Variants in ZEB2 observed in about 807,000 individuals in gnomAD.
ZEB2 encodes zinc finger E-box binding homeobox 2.
Under a neutral mutation model 99.9 loss-of-function variants are expected in ZEB2, and 6 were observed. The ratio of observed to expected loss-of-function variants is 0.06; its 90% CI spans 0.03 to 0.12. The LOEUF (loss-of-function observed/expected upper bound fraction) is 0.12. Among genes scored for constraint, ZEB2 ranks in the 10% least tolerant of loss-of-function variants. The pLI is 1.00. For missense variants in ZEB2, 969 were observed against 1,502.8 expected (o/e 0.64, Z 5.87); for synonymous variants, 517 against 542.5 (o/e 0.95, Z 0.65).
At chr2:144,511,347 A>G in intron 2 of ZEB2, 1 of 1,134,448 alleles carries the variant, frequency 8.8e-7, no homozygotes, top group Non-Finnish European at 1.1e-6. Context: ...AAGACAAAAC[A>G]CACACATGCA....
At chr2:144,448,819 T>C (rs2149898869) in intron 2 of ZEB2, 2 of 152,306 alleles carry the variant, frequency 1.3e-5, no homozygotes, top group South Asian at 4.1e-4. Flanking sequence ...ATCTCCCCAC[T>C]CGCAGGCAGT....
chr2:144,488,139 T>C (rs958135473), intron 2 of ZEB2, among the ~76,000 whole-genome samples: 1 of 152,208 alleles, frequency 6.6e-6, no homozygotes, highest in Admixed American at 6.5e-5. Flanking sequence ...GTCCACAGCA[T>C]ACCAATCAAT....
intron 9 of ZEB2, among the ~76,000 whole-genome samples, chr2:144,395,830 T>C (rs1164857717): frequency 6.6e-6 from 1 of 152,214 alleles, no homozygotes; most frequent in East Asian, 1.9e-4. Flanking sequence ...GGAAATATAC[T>C]AATTAAAATT....
intron 2 of ZEB2, chr2:144,470,617 G>A (rs1704340334): frequency 6.6e-6 from 1 of 152,090 alleles, no homozygotes; most frequent in Non-Finnish European, 1.5e-5. Context: ...CTACATGAAT[G>A]ATGTTAGGTT....
chr2:144,425,045 C>CA (rs1350397127), intron 3 of ZEB2, 178 bp from the exon 4 acceptor site: 4 of 639,026 alleles, frequency 6.3e-6, no homozygotes, highest in Non-Finnish European at 1.1e-5. Context: ...GCTAGCTGCA[C>CA]AAGAACTTAT....
At chr2:144,396,288 A>G in intron 9 of ZEB2, 124 bp downstream of exon 9, 1 of 1,291,090 alleles carries the variant, frequency 7.7e-7, no homozygotes, top group Non-Finnish European at 1.1e-6. Context: ...CAAAAGCATT[A>G]TTTCTTCCTT....
intron 3 of ZEB2, chr2:144,427,633 T>G (rs920716873): frequency 6.6e-6 from 1 of 152,144 alleles, no homozygotes; most frequent in Non-Finnish European, 1.5e-5. Flanking sequence ...TTAAGACCAA[T>G]TTCTTTTCAT....
At chr2:144,488,654 T>A (rs1704632112) in intron 2 of ZEB2, among the ~76,000 whole-genome samples, 1 of 133,016 alleles carries the variant, frequency 7.5e-6, no homozygotes, top group Non-Finnish European at 1.6e-5. Context: ...TTCTTAAGGA[T>A]AATTGCTCGT....
chr2:144,479,682 T>TGGGGGGGGGGG (rs140945730), intron 2 of ZEB2, among the ~76,000 whole-genome samples: 3 of 29,876 alleles, frequency 1.0e-4, no homozygotes, highest in Admixed American at 3.6e-4. Flanking sequence ...CTACTTTTTT[T>TGGGGGGGGGGG]TGGGGGGGGG....
At chr2:144,444,902 C>T (rs1703962969) in intron 2 of ZEB2, 1 of 152,198 alleles carries the variant, frequency 6.6e-6, no homozygotes, top group African/African-American at 2.4e-5. Context: ...TGGCTCCTCA[C>T]TGCCCAATTC....
At chr2:144,463,394 A>C (rs1306802066) in intron 2 of ZEB2, 1 of 152,184 alleles carries the variant, frequency 6.6e-6, no homozygotes, top group Non-Finnish European at 1.5e-5. Context: ...AAAAAAAGAA[A>C]AGAGGTTACC....
At chr2:144,517,661 C>T (rs975939990) in intron 1 of ZEB2, 3 of 698,918 alleles carry the variant, frequency 4.3e-6, no homozygotes, top group Non-Finnish European at 7.8e-6. Context: ...AGAATTACAT[C>T]TTCAAAATGA....
At chr2:144,466,033 G>T (rs1054565371) in intron 2 of ZEB2, among the ~76,000 whole-genome samples, 1 of 152,170 alleles carries the variant, frequency 6.6e-6, no homozygotes, top group Non-Finnish European at 1.5e-5. Context: ...AATCTCTTAT[G>T]AATAGTCATT....
intron 4 of ZEB2, chr2:144,424,252 A>C (rs565159474): frequency 2.4e-6 from 1 of 420,810 alleles, no homozygotes; most frequent in East Asian, 5.9e-5. Flanking sequence ...TTCTTCTCTA[A>C]AACTGCCTGG....
chr2:144,456,508 T>C (rs1414645256), intron 2 of ZEB2, among the ~76,000 whole-genome samples: 1 of 152,112 alleles, frequency 6.6e-6, no homozygotes, highest in Non-Finnish European at 1.5e-5. Context: ...CTTGGGCCAG[T>C]CCTGATTACT....
intron 4 of ZEB2, among the ~76,000 whole-genome samples, chr2:144,416,933 G>C (rs1047287649): frequency 6.6e-6 from 1 of 152,276 alleles, no homozygotes; most frequent in Admixed American, 6.5e-5. Context: ...CAAATAAAAC[G>C]TCTTAATCCA....
Position 144,399,509 on chromosome 2 carries a change from G to A in ZEB2, c.1678C>T (p.Arg560Cys), listed in dbSNP as rs730881194. Residue 560 changes from arginine (R) to cysteine (C), a missense_variant, in exon 8 of 10, where the codon CGT (arginine) becomes TGT (cysteine). Transcript: ENST00000627532. The surrounding 1 kb of genome is among the most constrained non-coding windows in gnomAD (Gnocchi z 5.6). ...TCAGTGACCAAATCTATTAAAGTAC[G>A]TAGCTTCTCTTTCTTTATATTACTG... ...QISNIKKEKLRTLIDLVTDDK... is the reference protein window; with the variant it reads ...QISNIKKEKLCTLIDLVTDDK... 3.0e-5 allele frequency: 49 copies of A among 1,614,052 alleles called. No homozygotes were observed. The highest frequency in any genetic ancestry group is 3.3e-4 in the Middle Eastern group (2 of 6,084).
intron 4 of ZEB2, among the ~76,000 whole-genome samples, chr2:144,416,280 C>T (rs1222693859): frequency 6.6e-6 from 1 of 152,196 alleles, no homozygotes; most frequent in Non-Finnish European, 1.5e-5. Context: ...CTGTCCCTTA[C>T]ACTTGTATCA....
rs966968476 is a variant in ZEB2 at position 144,513,544 on chromosome 2, C to T, written c.73+3734G>A. On this transcript the variant is annotated intron_variant, in intron 2 of 9. Transcript: ENST00000627532. ...TTCTTTCTCTGAAACAAGCAGTTTC[C>T]GGATTTGATTTTTGCTACAACGTGC... 5.9e-6 allele frequency: 9 copies of T among 1,529,164 alleles called. No homozygotes were observed. In the South Asian group the frequency reaches 6.0e-5, roughly 10 times the overall value. The allele number at this position is 1,529,164 out of a possible 1,614,324, so 94.7% of individuals were successfully genotyped here. A position where few individuals can be genotyped will look rare whatever the true frequency, so the allele number is the denominator to read the frequency against.
Sources: allele counts gnomAD v4.1 joint callset (sites outside exome capture counted in the v4.1 genomes callset), GRCh38; gene constraint gnomAD v4.1.1; non-coding constraint Gnocchi (gnomAD v3.1); transcripts MANE v1.5; gene names NCBI Gene and HGNC (gene_info 2026-07-23, HGNC 2026-07-21).